The following CTPS2 variants were observed in gnomAD, a reference collection of about 807,000 sequenced individuals.
CTPS2 encodes the protein CTP synthase 2.
CTPS2 carries 19 observed loss-of-function variants against 46.8 expected under a neutral mutation model. The observed-to-expected ratio is 0.41, with a 90% CI of 0.28 to 0.60. The LOEUF is 0.60. Ranked by LOEUF, CTPS2 falls within the 20% of genes least tolerant of loss-of-function variation. The pLI is 0.35. For synonymous variants in CTPS2, 151 were observed against 165.2 expected, an observed-to-expected ratio of 0.91 and a Z score of 0.66; for missense variants, 286 against 447.6, an observed-to-expected ratio of 0.64 and a Z score of 3.26.
chrX:16,604,055 TTTTGGG>T (rs752618345), intron 17 of CTPS2, among the ~76,000 whole-genome samples: 2 of 111,593 alleles, frequency 1.8e-5, no homozygotes, highest in Admixed American at 1.9e-4. Context: ...TAGTTTCGGC[TTTTGGG>T]TTTGGTCTGA....
chrX:16,677,469 C>T (rs1922376111), intron 10 of CTPS2, among the ~76,000 whole-genome samples: 1 of 111,027 alleles, frequency 9.0e-6, no homozygotes, highest in Non-Finnish European at 1.9e-5. Context: ...GAAGAAGTTA[C>T]AGAAGATGGA....
chrX:16,590,759 G>A lies in CTPS2; in HGVS notation c.*34C>T. The A allele has an allele frequency of 9.8e-7, 1 of 1,016,100 alleles. No individual in the cohort carries two copies. The highest frequency in any genetic ancestry group is 1.4e-6 in the Non-Finnish European group (1 of 721,660). 83.7% of individuals were successfully genotyped at this position (1,016,100 alleles called of 1,213,427 possible). ...TCGAAGATTCCATCTTACCCTCACAGGCAGTCCCCATTATTCCCAGTCATG... is the reference window on the plus strand; with the variant it reads ...TCGAAGATTCCATCTTACCCTCACAAGCAGTCCCCATTATTCCCAGTCATG... On this transcript the variant is annotated 3_prime_UTR_variant, in exon 18 of 19. Coordinates refer to ENST00000359276, the MANE Select transcript of CTPS2 (RefSeq NM_175859.3).
At chrX:16,684,437 A>T (rs1922986340) in intron 8 of CTPS2, among the ~76,000 whole-genome samples, 1 of 102,725 alleles carries the variant, frequency 9.7e-6, no homozygotes, top group Admixed American at 1.1e-4. Context: ...TGAACCCGGG[A>T]GGCAGAGGTT....
At position 16,693,452 on chromosome X, in the gene CTPS2, C is replaced by T. The variant is rs138001237; in HGVS notation, c.474G>A (p.Pro158=). ...GGTIGDIEGM[P]FVEAFRQFQF... is the part of the protein sequence containing the mutation. The stretch of plus-strand genomic sequence containing the variant: ...GGAATTGTCTAAACGCCTCCACAAA[C>T]GGCATTCCTTCGATGTCTCCAATGG... The change falls in exon 5 of 19, where the codon CCG becomes CCA. Residue 158 remains proline, a synonymous_variant. Coordinates refer to ENST00000359276, the MANE Select transcript of CTPS2 (RefSeq NM_175859.3). 1.2e-5 allele frequency: 15 copies of T among 1,207,127 alleles called. No homozygotes were observed. The highest frequency in any genetic ancestry group is 8.8e-5 in the African/African-American group (5 of 57,116).
rs755760010 is a variant in CTPS2 at position 16,668,176 on chromosome X, T to C, written c.1190-452A>G. Among the ~76,000 whole-genome samples the C allele has an allele frequency of 5.2e-3, 536 of 102,317 alleles. 5 individuals are homozygous for C. Among genetic ancestry groups the C allele is most frequent in the African/African-American group, 0.019 (513 of 27,659 alleles). 88.9% of individuals were successfully genotyped at this position (102,317 alleles called of 115,157 possible). ...ACTTGGGAGGCTGAGGCAGGAGAAT[T>C]ACTTGAGCCCGGGAGGCAGAGGTTG... On this transcript the variant is annotated intron_variant, in intron 11 of 18. Coordinates refer to ENST00000359276, the MANE Select transcript of CTPS2 (RefSeq NM_175859.3).
intron 17 of CTPS2, among the ~76,000 whole-genome samples, chrX:16,608,504 G>C (rs1169283518): frequency 1.8e-5 from 2 of 111,278 alleles, no homozygotes; most frequent in African/African-American, 6.5e-5. Context: ...TGAGGCAGGA[G>C]GATTTCTTGA....
intron 13 of CTPS2, among the ~76,000 whole-genome samples, chrX:16,662,012 A>ATATATATATATATG (rs1555967619): frequency 9.5e-6 from 1 of 105,389 alleles, no homozygotes; most frequent in Non-Finnish European, 1.9e-5. Context: ...ATATATATAT[A>ATATATATATATATG]TGCCTCAAAA....
At chrX:16,679,412 C>A (rs1379525274) in intron 9 of CTPS2, among the ~76,000 whole-genome samples, 1 of 110,340 alleles carries the variant, frequency 9.1e-6, no homozygotes, top group Non-Finnish European at 1.9e-5. Flanking sequence ...AGCAAAGGAA[C>A]CACTTATATG....
intron 14 of CTPS2, among the ~76,000 whole-genome samples, chrX:16,635,380 A>T (rs1931690123): frequency 8.9e-6 from 1 of 112,229 alleles, no homozygotes; most frequent in South Asian, 3.7e-4. Context: ...AAACGTTCAT[A>T]AAACACTATC....
intron 17 of CTPS2, among the ~76,000 whole-genome samples, chrX:16,599,906 G>A: frequency 9.2e-6 from 1 of 108,945 alleles, no homozygotes; most frequent in Non-Finnish European, 1.9e-5. Flanking sequence ...AGCCACCCAA[G>A]TAGCTGGGAT....
chrX:16,661,022 C>T (rs1045127814), intron 13 of CTPS2, among the ~76,000 whole-genome samples: 2 of 108,676 alleles, frequency 1.8e-5, no homozygotes, highest in Admixed American at 9.8e-5. Context: ...TGCAATGGCG[C>T]GATCTTGGCT....
chrX:16,644,534 G>A (rs1056201055), intron 13 of CTPS2, among the ~76,000 whole-genome samples: 2 of 111,567 alleles, frequency 1.8e-5, no homozygotes, highest in Non-Finnish European at 3.8e-5. Context: ...AGGAGGGTCA[G>A]GGTCAGAAAA....
At position 16,654,293 on chromosome X, in the gene CTPS2, A is replaced by G. The variant is rs114496978; in HGVS notation, c.1296+13221T>C. ...TTAGATGCATGTCACTGGAAACCTG[A>G]GCTGCCTTCTTGGCACACAGACCCC... On this transcript the variant is annotated intron_variant, in intron 13 of 18. Coordinates refer to ENST00000359276, the MANE Select transcript of CTPS2 (RefSeq NM_175859.3). The G allele has an allele frequency of 0.016, 7,455 of 459,440 alleles. 444 individuals are homozygous for G. In the African/African-American group the frequency reaches 0.17, roughly 10 times the overall value. The allele number at this position is 459,440 out of a possible 1,213,427, so 37.9% of individuals were successfully genotyped here. A position where few individuals can be genotyped will look rare whatever the true frequency, so the allele number is the denominator to read the frequency against.
intron 4 of CTPS2, among the ~76,000 whole-genome samples, chrX:16,694,353 C>T (rs913581985): frequency 9.0e-6 from 1 of 110,547 alleles, no homozygotes; most frequent in African/African-American, 3.3e-5. Context: ...TCTACAGCAA[C>T]CTCTTTATCC....
intron 13 of CTPS2, among the ~76,000 whole-genome samples, chrX:16,666,392 T>G (rs1308632463): frequency 8.9e-6 from 1 of 112,018 alleles, no homozygotes; most frequent in Non-Finnish European, 1.9e-5. Context: ...TTATTGAGAT[T>G]CCAGGGGGAG....
In CTPS2 at chrX:16,597,020, C is replaced by T. The variant is rs1160730976; in HGVS notation, c.1692-6158G>A. Among the ~76,000 whole-genome samples the T allele has an allele frequency of 4.1e-4, 44 of 107,480 alleles. No homozygotes were observed. The South Asian group carries it at 4.1e-3, about 10-fold the overall frequency. 93.3% of individuals were successfully genotyped at this position (107,480 alleles called of 115,157 possible). ...TTGAGAAGTGTCTGTTCATGTCCTTCGCCCACTTTTTGATGGGGTTGTTTG... is the reference window on the plus strand; with the variant it reads ...TTGAGAAGTGTCTGTTCATGTCCTTTGCCCACTTTTTGATGGGGTTGTTTG... On this transcript the variant is annotated intron_variant, in intron 17 of 18. Transcript: ENST00000359276.
chrX:16,664,047 A>G (rs893131574), intron 13 of CTPS2, among the ~76,000 whole-genome samples: 1 of 111,632 alleles, frequency 9.0e-6, no homozygotes, highest in Non-Finnish European at 1.9e-5. Flanking sequence ...CATGTTAGCC[A>G]GGATGGTCTT....
chrX:16,592,369 G>GA (rs1928952124), intron 17 of CTPS2, among the ~76,000 whole-genome samples: 1 of 112,190 alleles, frequency 8.9e-6, no homozygotes, highest in Non-Finnish European at 1.9e-5. Context: ...CTAGCAACAT[G>GA]AAAGGACTAG....
At position 16,598,644 on chromosome X, in the gene CTPS2, T is replaced by G. The variant is rs1337120007; in HGVS notation, c.1692-7782A>C. ...TACCAGAGGTACAAGGAGGAATTGG[T>G]ACCATTCCTTCTGAAACTATTCCAA... On this transcript the variant is annotated intron_variant, in intron 17 of 18. Transcript: ENST00000359276. Among the ~76,000 whole-genome samples, 3 of 111,684 alleles carry G rather than the reference T, an allele frequency of 2.7e-5. No individual in the cohort carries two copies. In the Admixed American group the frequency reaches 2.9e-4, roughly 11 times the overall value.
Sources: allele counts gnomAD v4.1 joint callset (sites outside exome capture counted in the v4.1 genomes callset), GRCh38; gene constraint gnomAD v4.1.1; transcripts MANE v1.5; gene names NCBI Gene and HGNC (gene_info 2026-07-23, HGNC 2026-07-21).